Variants in UST observed in about 807,000 individuals in gnomAD.
UST encodes uronyl 2-sulfotransferase.
In UST, 21 loss-of-function variants were observed where a neutral mutation model predicts 45.6. That is an observed-to-expected ratio of 0.46 (90% CI 0.33 to 0.66). UST has a LOEUF of 0.66. UST is among the 30% of genes least tolerant of loss of function. The pLI, the probability that UST is intolerant of heterozygous loss-of-function variation, is 0.02. For missense variants in UST, 463 were observed against 512.4 expected, an observed-to-expected ratio of 0.90 and a Z score of 0.93; for synonymous variants, 215 against 200.6, an observed-to-expected ratio of 1.07 and a Z score of -0.61.
chr6:148,897,305 T>A (rs1398113013), intron 2 of UST, among the ~76,000 whole-genome samples: 5 of 151,800 alleles, frequency 3.3e-5, no homozygotes, highest in African/African-American at 4.8e-5. Flanking sequence ...GTAGCTGGGA[T>A]TACAGGTGTG....
chr6:148,976,682 G>T (rs1781023747), intron 5 of UST, among the ~76,000 whole-genome samples: 2 of 152,134 alleles, frequency 1.3e-5, no homozygotes. Context: ...AGAGGCATTT[G>T]TATTTTCCTT....
intron 5 of UST, among the ~76,000 whole-genome samples, chr6:149,001,997 T>C (rs1350105726): frequency 6.6e-6 from 1 of 152,210 alleles, no homozygotes; most frequent in East Asian, 1.9e-4. Flanking sequence ...GACTTTTCCA[T>C]TTACTTATCT....
At chr6:148,769,029 G>T (rs1223749631) in intron 1 of UST, among the ~76,000 whole-genome samples, 1 of 152,248 alleles carries the variant, frequency 6.6e-6, no homozygotes, top group African/African-American at 2.4e-5. Context: ...TGTTGGCCTG[G>T]ATTGCCCATG....
At chr6:148,837,152 A>G (rs1031687737) in intron 1 of UST, among the ~76,000 whole-genome samples, 1 of 152,164 alleles carries the variant, frequency 6.6e-6, no homozygotes, top group Admixed American at 6.5e-5. Context: ...CTTAATACAT[A>G]ATACCCCTTT....
At chr6:148,859,576 G>T (rs1331575225) in intron 1 of UST, among the ~76,000 whole-genome samples, 7 of 151,760 alleles carry the variant, frequency 4.6e-5, no homozygotes, top group Middle Eastern at 6.8e-3. Context: ...CCCATGCCTA[G>T]GTCCTGAATG....
intron 7 of UST, among the ~76,000 whole-genome samples, chr6:149,024,166 C>T (rs115898398): frequency 0.01 from 1,573 of 152,300 alleles, 39 homozygotes; most frequent in African/African-American, 0.036. Context: ...TCAGGGTGCA[C>T]CTGCCAGCCT....
chr6:148,948,107 T>G (rs1780286452), intron 3 of UST, among the ~76,000 whole-genome samples: 1 of 152,208 alleles, frequency 6.6e-6, no homozygotes, highest in Non-Finnish European at 1.5e-5. Context: ...TTGCGCTGAC[T>G]GCTTCCCGCA....
At chr6:148,810,715 C>G (rs1285903860) in intron 1 of UST, among the ~76,000 whole-genome samples, 1 of 152,068 alleles carries the variant, frequency 6.6e-6, no homozygotes, top group South Asian at 2.1e-4. Context: ...CAAGGTGTCA[C>G]CAGAGAGGAA....
At chr6:149,005,796 C>A (rs935258796) in intron 5 of UST, among the ~76,000 whole-genome samples, 14 of 152,146 alleles carry the variant, frequency 9.2e-5, no homozygotes, top group African/African-American at 3.4e-4. Flanking sequence ...GGATGGGAAT[C>A]AGAGAAGAAA....
At chr6:148,961,148 A>T (rs920685731) in intron 4 of UST, among the ~76,000 whole-genome samples, 1 of 152,228 alleles carries the variant, frequency 6.6e-6, no homozygotes, top group African/African-American at 2.4e-5. Context: ...AAAAAATACG[A>T]CACAGTGGCA....
chr6:148,888,088 G>A (rs1193067338), intron 2 of UST, among the ~76,000 whole-genome samples: 1 of 152,170 alleles, frequency 6.6e-6, no homozygotes, highest in Admixed American at 6.5e-5. Flanking sequence ...TGTATAGGAA[G>A]CATGATAGAG....
chr6:149,047,309 A>G (rs1186876803), intron 7 of UST, among the ~76,000 whole-genome samples: 1 of 152,212 alleles, frequency 6.6e-6, no homozygotes, highest in African/African-American at 2.4e-5. Context: ...TCAAAATAAC[A>G]TTGAGTTTTT....
At chr6:148,767,507 G>A (rs923209859) in intron 1 of UST, among the ~76,000 whole-genome samples, 1 of 152,052 alleles carries the variant, frequency 6.6e-6, no homozygotes, top group Non-Finnish European at 1.5e-5. Flanking sequence ...TTGCAGATTC[G>A]GTACCGTTTT....
chr6:148,977,877 G>A lies in UST; in HGVS notation c.681+13314G>A, dbSNP rs189442495. 7.9e-4 allele frequency among the ~76,000 whole-genome samples: 120 copies of A among 152,184 alleles called. 1 individual carries two copies. The highest frequency in any genetic ancestry group is 6.8e-3 in the Middle Eastern group (2 of 292). Reference sequence around the variant, plus strand: ...TTTGAGCTTTAGATTAAGGTAGGGAGGATTGACGTCTGTATGTGGAGTCTT... The same window carrying A: ...TTTGAGCTTTAGATTAAGGTAGGGAAGATTGACGTCTGTATGTGGAGTCTT... On this transcript the variant is annotated intron_variant, in intron 5 of 7. Transcript: ENST00000367463.
intron 7 of UST, among the ~76,000 whole-genome samples, chr6:149,069,682 C>T (rs940038964): frequency 6.6e-6 from 1 of 152,100 alleles, no homozygotes; most frequent in Non-Finnish European, 1.5e-5. Flanking sequence ...CTAGGAGTAA[C>T]CTTATGGCAG....
intron 7 of UST, among the ~76,000 whole-genome samples, chr6:149,034,559 AAG>A (rs1243416560): frequency 7.9e-5 from 12 of 151,550 alleles, no homozygotes; most frequent in South Asian, 2.1e-4. Context: ...TCTTTCCACC[AAG>A]AAAGCTCCTG....
chr6:149,060,800 G>A (rs891845021), intron 7 of UST, among the ~76,000 whole-genome samples: 2 of 152,166 alleles, frequency 1.3e-5, no homozygotes, highest in African/African-American at 4.8e-5. Context: ...TAGACAGGGC[G>A]CTTCTTAAAA....
chr6:148,756,394 T>C (rs528250469), intron 1 of UST, among the ~76,000 whole-genome samples: 1 of 152,334 alleles, frequency 6.6e-6, no homozygotes, highest in African/African-American at 2.4e-5. Flanking sequence ...CTCTCAGGTA[T>C]GTCCTTATAG....
chr6:149,011,366 C>T (rs941007082), intron 5 of UST, among the ~76,000 whole-genome samples: 51 of 152,190 alleles, frequency 3.4e-4, no homozygotes, highest in African/African-American at 1.2e-3. Flanking sequence ...GGTACAAAAA[C>T]ATAGTTGGAC....
Sources: allele counts gnomAD v4.1 joint callset (sites outside exome capture counted in the v4.1 genomes callset), GRCh38; gene constraint gnomAD v4.1.1; transcripts MANE v1.5; gene names NCBI Gene and HGNC (gene_info 2026-07-23, HGNC 2026-07-21).